TIPIN: variants seen among roughly 807,000 people sequenced by gnomAD.
The protein encoded by TIPIN is TIMELESS interacting protein, also known as TIMELESS-interacting protein.
In TIPIN, 29 loss-of-function variants were observed where a neutral mutation model predicts 35.6. That is an observed-to-expected ratio of 0.82 (90% CI 0.61 to 1.11). TIPIN has a LOEUF of 1.11. Ranked by LOEUF, TIPIN falls within the 50% of genes most tolerant of loss-of-function variation. TIPIN has a pLI of 0.00. For synonymous variants in TIPIN, 102 were observed against 121.5 expected (o/e 0.84, Z 1.06); for missense variants, 296 against 345.4 (o/e 0.86, Z 1.13).
chr15:66,351,494 A>T (rs2140462214), intron 4 of TIPIN, 31 bp downstream of exon 4: 1 of 1,539,724 alleles, frequency 6.5e-7, no homozygotes. Context: ...ATTTTAAAAA[A>T]CAAAGGTCTA....
Position 66,353,052 on chromosome 15 carries a change from T to A in TIPIN, c.-8-97A>T, listed in dbSNP as rs950968361. 4.2e-6 allele frequency: 5 copies of A among 1,196,922 alleles called. No homozygotes were observed. In the African/African-American group the frequency reaches 7.6e-5, roughly 18 times the overall value. 74.1% of individuals were successfully genotyped at this position (1,196,922 alleles called of 1,614,324 possible). A position where few individuals can be genotyped will look rare whatever the true frequency, so the allele number is the denominator to read the frequency against. On this transcript the variant is annotated intron_variant, in intron 1 of 7. Transcript: ENST00000261881. ...AGCCATTTCATGTGTTTCAATCAGT[T>A]AGACCACATTTCAAACTCACACATC...
chr15:66,353,007 T>C (rs368076048), intron 1 of TIPIN, 52 bp from the exon 2 acceptor site: 6 of 1,530,592 alleles, frequency 3.9e-6, no homozygotes, highest in African/African-American at 2.7e-5. Context: ...GTCTCCACTA[T>C]ATAGACAAGT....
Position 66,384,289 on chromosome 15 carries a change from G to A in TIPIN, c.-9+2318C>T, listed in dbSNP as rs553932066. On this transcript the variant is annotated intron_variant, in intron 1 of 7. Transcript: ENST00000562124. ...TGGGATTACAGGCATGAGCCACCGC[G>A]CCCGGCCTATTTTATTTATTTTTGA... Among the ~76,000 whole-genome samples, 33 of 140,836 alleles carry A rather than the reference G, an allele frequency of 2.3e-4. No homozygotes were observed. In the East Asian group the frequency reaches 5.8e-3, roughly 25 times the overall value. 92.4% of individuals were successfully genotyped at this position (140,836 alleles called of 152,430 possible). A position where few individuals can be genotyped will look rare whatever the true frequency, so the allele number is the denominator to read the frequency against.
At chr15:66,366,252 G>C (rs998077118) in intron 1 of TIPIN, among the ~76,000 whole-genome samples, 1 of 151,490 alleles carries the variant, frequency 6.6e-6, no homozygotes, top group Non-Finnish European at 1.5e-5. Flanking sequence ...TCAAGAGTTC[G>C]AGACCAGCCT....
chr15:66,355,680 G>A (rs1049140784), intron 1 of TIPIN, among the ~76,000 whole-genome samples: 6 of 152,086 alleles, frequency 3.9e-5, no homozygotes, highest in Admixed American at 2.6e-4. Flanking sequence ...GAACCCAGGA[G>A]GCGGAGCTTG....
Position 66,351,520 on chromosome 15 carries a change from C to A in TIPIN, c.288+5G>T. 1 of 1,609,356 alleles carries A rather than the reference C, an allele frequency of 6.2e-7. No homozygotes were observed. The highest frequency in any genetic ancestry group is 1.1e-5 in the South Asian group (1 of 90,508). On this transcript the variant is annotated splice_donor_5th_base_variant and intron_variant, in intron 4 of 7. Coordinates refer to ENST00000261881, the MANE Select transcript of TIPIN (RefSeq NM_017858.3). ...CAAAGGTCTAACATAAAAATCAGTT[C>A]TTACCTCATGACCTTTACCTTTGAA...
chr15:66,342,186 C>CAAAAAAAAAAAAAAAAAAA (rs55711983), intron 6 of TIPIN, among the ~76,000 whole-genome samples: 7 of 108,518 alleles, frequency 6.5e-5, no homozygotes, highest in African/African-American at 1.5e-4. Context: ...AAGACTGTCT[C>CAAAAAAAAAAAAAAAAAAA]AAAAAAAAAA....
intron 1 of TIPIN, among the ~76,000 whole-genome samples, chr15:66,376,430 TTTTTTG>T (rs1234986023): frequency 1.3e-5 from 2 of 152,086 alleles, no homozygotes; most frequent in African/African-American, 2.4e-5. Flanking sequence ...TTTTTTCTTT[TTTTTTG>T]TTTTTGTTTT....
rs150180483 is a variant in TIPIN, at chr15:66,363,336, C to T, written c.-8-10381G>A. Among the ~76,000 whole-genome samples, 187 of 151,536 alleles carry T rather than the reference C, an allele frequency of 1.2e-3. 2 individuals carry two copies. Among genetic ancestry groups the T allele is most frequent in the African/African-American group, 4.4e-3 (180 of 41,272 alleles). ...CAGCCTGGCCAACATGGTGAAACGC[C>T]GTCTCTACTAAAAATACAAAAATTA... On this transcript the variant is annotated intron_variant, in intron 1 of 7. Transcript: ENST00000562124.
At chr15:66,355,892 A>AC (rs1204628857) in intron 1 of TIPIN, among the ~76,000 whole-genome samples, 1 of 152,142 alleles carries the variant, frequency 6.6e-6, no homozygotes, top group Non-Finnish European at 1.5e-5. Context: ...TATTAAGTGT[A>AC]CTCAGGAACT....
At chr15:66,351,650 T>TG (rs1003497394) in intron 3 of TIPIN, 50 bp from the exon 4 acceptor site, 1 of 1,517,192 alleles carries the variant, frequency 6.6e-7, no homozygotes, top group African/African-American at 1.4e-5. Flanking sequence ...TCTTTTTTTT[T>TG]TTTTTGAGAC....
intron 7 of TIPIN, among the ~76,000 whole-genome samples, chr15:66,340,451 A>T (rs2093078229): frequency 6.6e-6 from 1 of 151,730 alleles, no homozygotes; most frequent in Non-Finnish European, 1.5e-5. Context: ...TGCTGGGATT[A>T]CAGGCATGAG....
intron 2 of TIPIN, 146 bp downstream of exon 2, chr15:66,352,669 G>A: frequency 1.2e-6 from 1 of 812,244 alleles, no homozygotes; most frequent in Non-Finnish European, 1.8e-6. Context: ...TTTTAGTAGA[G>A]ACGGGATTTC....
At chr15:66,343,378 T>C (rs2093101600) in intron 6 of TIPIN, among the ~76,000 whole-genome samples, 1 of 152,202 alleles carries the variant, frequency 6.6e-6, no homozygotes, top group African/African-American at 2.4e-5. Flanking sequence ...TTTATATACA[T>C]TATCCTTGTT....
intron 6 of TIPIN, among the ~76,000 whole-genome samples, chr15:66,341,851 G>A (rs2093089361): frequency 6.6e-6 from 1 of 152,114 alleles, no homozygotes; most frequent in Non-Finnish European, 1.5e-5. Context: ...TTATAAATCA[G>A]TTTAAAGAGG....
chr15:66,357,833 G>A (rs1159121371), upstream of TIPIN, among the ~76,000 whole-genome samples: 1 of 152,040 alleles, frequency 6.6e-6, no homozygotes, highest in African/African-American at 2.4e-5. Context: ...GCGCGCACCT[G>A]TAATTCCAGC....
chr15:66,340,186 T>C (rs1468261117), intron 7 of TIPIN, among the ~76,000 whole-genome samples: 1 of 140,198 alleles, frequency 7.1e-6, no homozygotes, highest in Non-Finnish European at 1.5e-5. Flanking sequence ...TTTTTTTTTT[T>C]TTTTTTTTGA....
intron 1 of TIPIN, among the ~76,000 whole-genome samples, chr15:66,373,156 A>G (rs1214224950): frequency 6.6e-6 from 1 of 152,138 alleles, no homozygotes; most frequent in Non-Finnish European, 1.5e-5. Context: ...TTCTCAGAAC[A>G]TATTCCCATC....
At chr15:66,353,319 T>TA (rs201875437) in intron 1 of TIPIN, among the ~76,000 whole-genome samples, 1,538 of 145,950 alleles carry the variant, frequency 0.011, 52 homozygotes, top group Admixed American at 0.063. Flanking sequence ...TAGAGCTGCT[T>TA]AAAAAAAAAA....
Sources: allele counts gnomAD v4.1 joint callset (sites outside exome capture counted in the v4.1 genomes callset), GRCh38; gene constraint gnomAD v4.1.1; transcripts MANE v1.5; gene names NCBI Gene and HGNC (gene_info 2026-07-23, HGNC 2026-07-21).